The following GPC6 variants were observed in gnomAD, a reference collection of about 807,000 sequenced individuals.
The protein encoded by GPC6 is glypican 6.
A neutral mutation model predicts 55.2 loss-of-function variants in GPC6; 14 were observed. That is an observed-to-expected ratio of 0.25 (90% CI 0.17 to 0.40). GPC6 has a LOEUF of 0.40. Among genes scored for constraint, GPC6 ranks in the 10% least tolerant of loss-of-function variants. GPC6 has a pLI of 1.00. For synonymous variants in GPC6, 278 were observed against 259.6 expected, an observed-to-expected ratio of 1.07 and a Z score of -0.68; for missense variants, 641 against 708.5, an observed-to-expected ratio of 0.90 and a Z score of 1.08.
chr13:94,298,260 T>C (rs547383812), intron 5 of GPC6, among the ~76,000 whole-genome samples: 1 of 152,226 alleles, frequency 6.6e-6, no homozygotes, highest in Non-Finnish European at 1.5e-5. Context: ...TGCTACTACT[T>C]TTAATGAAAT....
chr13:93,950,085 G>C (rs1029839704), intron 3 of GPC6, among the ~76,000 whole-genome samples: 2 of 152,120 alleles, frequency 1.3e-5, no homozygotes, highest in Non-Finnish European at 2.9e-5. Context: ...AATATTAGAG[G>C]TGATGGTGGC....
intron 6 of GPC6, among the ~76,000 whole-genome samples, chr13:94,355,718 C>T (rs1012453123): frequency 5.9e-5 from 9 of 152,108 alleles, no homozygotes; most frequent in African/African-American, 1.7e-4. Flanking sequence ...TCCAGTCCCC[C>T]CCTCCACTTT....
chr13:93,264,357 G>A (rs1050609770), intron 1 of GPC6, among the ~76,000 whole-genome samples: 6 of 152,086 alleles, frequency 3.9e-5, no homozygotes, highest in Non-Finnish European at 5.9e-5. Flanking sequence ...TATATAAAAT[G>A]GCATAGTATT....
At chr13:93,361,681 C>T (rs907639183) in intron 1 of GPC6, among the ~76,000 whole-genome samples, 2 of 152,100 alleles carry the variant, frequency 1.3e-5, no homozygotes, top group South Asian at 4.1e-4. Flanking sequence ...GGTTTTTCTG[C>T]TTAAAGGAGT....
intron 4 of GPC6, among the ~76,000 whole-genome samples, chr13:94,272,620 C>G (rs1479175102): frequency 6.6e-6 from 1 of 151,786 alleles, no homozygotes; most frequent in African/African-American, 2.4e-5. Context: ...AGGCGCCCGC[C>G]ACCACGCCCG....
At chr13:93,288,676 AGTT>A (rs957438320) in intron 1 of GPC6, among the ~76,000 whole-genome samples, 4 of 152,240 alleles carry the variant, frequency 2.6e-5, no homozygotes, top group Non-Finnish European at 5.9e-5. Flanking sequence ...TGGAAATAAA[AGTT>A]GTTGTATAGG....
intron 6 of GPC6, among the ~76,000 whole-genome samples, chr13:94,333,524 C>A (rs1488291756): frequency 6.6e-6 from 1 of 152,194 alleles, no homozygotes; most frequent in Admixed American, 6.5e-5. Flanking sequence ...ATGCATTGTC[C>A]TTTAGTTGCA....
chr13:93,898,290 A>G (rs934257929), intron 3 of GPC6, among the ~76,000 whole-genome samples: 4 of 152,172 alleles, frequency 2.6e-5, no homozygotes, highest in Non-Finnish European at 1.5e-5. Flanking sequence ...TACGGCATTG[A>G]GGAAAGAAAC....
chr13:93,538,928 C>CT (rs112356644), intron 1 of GPC6, among the ~76,000 whole-genome samples: 29,649 of 145,872 alleles, frequency 0.2, 3,445 homozygotes, highest in African/African-American at 0.32. Flanking sequence ...TTACAATATT[C>CT]TTTTTTTTTT....
chr13:94,145,947 C>G (rs1332477324), intron 4 of GPC6, among the ~76,000 whole-genome samples: 1 of 152,084 alleles, frequency 6.6e-6, no homozygotes, highest in Non-Finnish European at 1.5e-5. Flanking sequence ...TTCTCTGTGT[C>G]TGCAATGAAA....
At chr13:93,453,257 C>A (rs370203599) in intron 1 of GPC6, among the ~76,000 whole-genome samples, 1 of 152,174 alleles carries the variant, frequency 6.6e-6, no homozygotes, top group Non-Finnish European at 1.5e-5. Flanking sequence ...CCTCTTCCCC[C>A]ACTTTCATTC....
chr13:93,914,536 G>A (rs1295492275), intron 3 of GPC6, among the ~76,000 whole-genome samples: 1 of 151,970 alleles, frequency 6.6e-6, no homozygotes, highest in African/African-American at 2.4e-5. Flanking sequence ...AGTTTTTATT[G>A]GATCCATTGA....
At chr13:93,285,695 AATAATT>A (rs1188629005) in intron 1 of GPC6, among the ~76,000 whole-genome samples, 2 of 150,834 alleles carry the variant, frequency 1.3e-5, no homozygotes, top group African/African-American at 4.9e-5. Context: ...CAACAGTAAT[AATAATT>A]ATATCTTTTT....
At chr13:93,553,973 A>T (rs1396601645) in intron 2 of GPC6, among the ~76,000 whole-genome samples, 1 of 942 alleles carries the variant, frequency 1.1e-3, no homozygotes. Context: ...CGTCTCTACT[A>T]AAAAAAAAAA....
intron 2 of GPC6, among the ~76,000 whole-genome samples, chr13:93,657,950 C>T (rs560837676): frequency 4.0e-5 from 6 of 151,778 alleles, no homozygotes; most frequent in East Asian, 1.9e-4. Flanking sequence ...AAAAAAATAA[C>T]AGATGTTGGT....
At chr13:93,640,982 T>C (rs9516262) in intron 2 of GPC6, among the ~76,000 whole-genome samples, 125,458 of 151,508 alleles carry the variant, frequency 0.83, 53,049 homozygotes, top group Non-Finnish European at 0.93. Flanking sequence ...TGTGTGTTCA[T>C]TGGAAAGCAT....
chr13:94,089,593 G>A (rs533754053), intron 4 of GPC6, among the ~76,000 whole-genome samples: 3 of 147,920 alleles, frequency 2.0e-5, no homozygotes, highest in Admixed American at 1.4e-4. Context: ...ACACTACATA[G>A]CACTTTACCC....
In GPC6 at chr13:94,407,052, G is replaced by C. The variant is rs889636632; in HGVS notation, c.*3835G>C. 1 of 152,106 alleles carries C rather than the reference G, an allele frequency of 6.6e-6. No homozygotes were observed. The highest frequency in any genetic ancestry group is 1.5e-5 in the Non-Finnish European group (1 of 67,956). 9.4% of individuals were successfully genotyped at this position (152,106 alleles called of 1,614,324 possible). A position where few individuals can be genotyped will look rare whatever the true frequency, so the allele number is the denominator to read the frequency against. On this transcript the variant is annotated 3_prime_UTR_variant, in exon 9 of 9. Transcript: ENST00000377047. ...AGTTTTAGACCAACTTATACAAAGA[G>C]AGTATTGATTTGTACACATTCTGGA...
chr13:94,317,169 A>G (rs1876582135), intron 6 of GPC6, among the ~76,000 whole-genome samples: 8 of 152,212 alleles, frequency 5.3e-5, no homozygotes, highest in Admixed American at 5.2e-4. Context: ...TATTTGCAAA[A>G]TTGTAGAGCT....
Sources: gnomAD v4.1 joint callset for allele counts (sites outside exome capture counted in the v4.1 genomes callset) on GRCh38, gnomAD v4.1.1 for gene constraint, MANE v1.5 for transcripts, NCBI Gene and HGNC (gene_info 2026-07-23, HGNC 2026-07-21) for gene names.